TESPA1: variants seen among roughly 807,000 people sequenced by gnomAD.
The protein encoded by TESPA1 is thymocyte expressed, positive selection associated 1, also known as protein TESPA1.
A neutral mutation model predicts 57.9 loss-of-function variants in TESPA1; 33 were observed. That is an observed-to-expected ratio of 0.57 (90% CI 0.43 to 0.76). TESPA1 has a LOEUF of 0.76. Ranked by LOEUF, TESPA1 falls within the 30% of genes least tolerant of loss-of-function variation. The pLI is 0.00. For missense variants in TESPA1, 618 were observed against 632.9 expected, an observed-to-expected ratio of 0.98 and a Z score of 0.25; for synonymous variants, 227 against 228.9, an observed-to-expected ratio of 0.99 and a Z score of 0.07.
Position 54,963,357 on chromosome 12 carries a change from C to A in TESPA1, c.656-115G>T, listed in dbSNP as rs542203445. 2.6e-5 allele frequency: 27 copies of A among 1,049,752 alleles called. No individual in the cohort carries two copies. The South Asian group carries it at 4.1e-4, about 16-fold the overall frequency. The allele number at this position is 1,049,752 out of a possible 1,614,324, so 65.0% of individuals were successfully genotyped here. On this transcript the variant is annotated intron_variant, in intron 8 of 10. Transcript: ENST00000449076. Reference sequence around the variant, plus strand: ...ATTCAGGGAGAAGCTTCCAATTTTCCTACTAGTGTTTCTCCCTTTTAGATT... The same window carrying A: ...ATTCAGGGAGAAGCTTCCAATTTTCATACTAGTGTTTCTCCCTTTTAGATT...
intron 4 of TESPA1, 41 bp from the exon 5 acceptor site, chr12:54,967,277 G>C (rs369859798): frequency 6.2e-7 from 1 of 1,604,204 alleles, no homozygotes; most frequent in African/African-American, 1.3e-5. Flanking sequence ...AACCAGGATG[G>C]AACATATACA....
At chr12:54,971,335 T>C (rs1258251412) in intron 3 of TESPA1, among the ~76,000 whole-genome samples, 2 of 152,250 alleles carry the variant, frequency 1.3e-5, no homozygotes, top group South Asian at 2.1e-4. Context: ...ATTTAGAATC[T>C]CATGTTTAGA....
chr12:54,978,095 C>T (rs2136206276), intron 1 of TESPA1, among the ~76,000 whole-genome samples: 1 of 151,694 alleles, frequency 6.6e-6, no homozygotes, highest in African/African-American at 2.4e-5. Flanking sequence ...GAGTGTTAGA[C>T]AGAATTAAAA....
At chr12:54,958,917 T>G (rs1271770232) in intron 10 of TESPA1, among the ~76,000 whole-genome samples, 3 of 152,228 alleles carry the variant, frequency 2.0e-5, no homozygotes, top group Non-Finnish European at 4.4e-5. Context: ...GACTACTTTA[T>G]CCATTAGAGC....
chr12:54,965,990 G>T (rs1266937508), intron 7 of TESPA1, 63 bp downstream of exon 7: 3 of 1,494,486 alleles, frequency 2.0e-6, no homozygotes, highest in Non-Finnish European at 9.1e-7. Context: ...ATGGCTCTTG[G>T]TTCCATTCTC....
chr12:54,972,697 C>T (rs1951911298), intron 3 of TESPA1, among the ~76,000 whole-genome samples: 1 of 152,130 alleles, frequency 6.6e-6, no homozygotes, highest in Non-Finnish European at 1.5e-5. Flanking sequence ...AATAAACAAC[C>T]TTGGATTATT....
Position 54,965,828 on chromosome 12 carries a change from G to A in TESPA1, c.446+225C>T, listed in dbSNP as rs142136394. The stretch of plus-strand genomic sequence containing the variant: ...ACCTCCTGGGGTACAAGTTTCAGTG[G>A]GAGGAGACACCTGTATTTTACACAT... On this transcript the variant is annotated intron_variant, in intron 7 of 10. Coordinates refer to ENST00000449076, the MANE Select transcript of TESPA1 (RefSeq NM_001136030.3). 2.4e-3 allele frequency among the ~76,000 whole-genome samples: 365 copies of A among 152,230 alleles called. 3 individuals are homozygous for A. Among genetic ancestry groups the A allele is most frequent in the Non-Finnish European group, 3.1e-4 (21 of 68,016 alleles).
At position 54,963,003 on chromosome 12, in the gene TESPA1, G is replaced by A. The variant is rs753442863; in HGVS notation, c.895C>T (p.Arg299Trp). ...GGGGTGTTGTGGGGTGGTGGTGGCCGGTCTCGGGGGCATGTGTACAGACAC... is the reference window on the plus strand; with the variant it reads ...GGGGTGTTGTGGGGTGGTGGTGGCCAGTCTCGGGGGCATGTGTACAGACAC... ...KMCLYTCPRD[R>W]PPPPHNTPKR... Residue 299 changes from arginine (R) to tryptophan (W), a missense_variant, in exon 9 of 11, where the codon CGG becomes TGG. Physicochemically the swap from Arg to Trp is moderately radical, Grantham distance 101. Around this residue, in one of 3 missense-constraint regions of TESPA1, gnomAD observed 409 missense variants for 420.1 expected, o/e 0.97. Transcript: ENST00000449076. The A allele has an allele frequency of 5.6e-6, 9 of 1,613,652 alleles. No individual in the cohort carries two copies. The highest frequency in any genetic ancestry group is 2.7e-5 in the African/African-American group (2 of 74,842).
At chr12:54,966,478 C>T in intron 5 of TESPA1, 54 bp from the exon 6 acceptor site, 1 of 1,590,804 alleles carries the variant, frequency 6.3e-7, no homozygotes, top group Non-Finnish European at 8.6e-7. Context: ...ATGAAAATCA[C>T]CTGTGTTGCC....
chr12:54,964,862 G>T (rs1438113641), intron 7 of TESPA1, among the ~76,000 whole-genome samples: 2 of 152,198 alleles, frequency 1.3e-5, no homozygotes, highest in African/African-American at 4.8e-5. Flanking sequence ...ACATGTTAGG[G>T]TCACCTTTGC....
chr12:54,969,448 C>G (rs7968652), intron 3 of TESPA1, among the ~76,000 whole-genome samples: 42,386 of 151,766 alleles, frequency 0.28, 7,036 homozygotes, highest in East Asian at 0.68. Context: ...CTAAGGCCTA[C>G]TATTACTAGA....
intron 10 of TESPA1, among the ~76,000 whole-genome samples, chr12:54,955,324 G>T (rs761158564): frequency 3.3e-5 from 5 of 152,062 alleles, no homozygotes; most frequent in Admixed American, 6.6e-5. Context: ...ATGGACAAAG[G>T]TTGACATCCA....
chr12:54,958,434 C>T (rs1000286090), intron 10 of TESPA1, among the ~76,000 whole-genome samples: 43 of 151,810 alleles, frequency 2.8e-4, no homozygotes, highest in Admixed American at 2.8e-3. Flanking sequence ...TGATTTTTCC[C>T]TTTACTTGTG....
intron 1 of TESPA1, among the ~76,000 whole-genome samples, chr12:54,980,698 C>T (rs1952283404): frequency 1.3e-5 from 2 of 152,180 alleles, no homozygotes; most frequent in South Asian, 2.1e-4. Context: ...AACTATTAGC[C>T]TACCAGTTTG....
Position 54,967,330 on chromosome 12 carries a change from C to T in TESPA1, c.257-94G>A, listed in dbSNP as rs542332827. 1.9e-5 allele frequency: 26 copies of T among 1,380,730 alleles called. No homozygotes were observed. In the Admixed American group the frequency reaches 3.4e-4, roughly 18 times the overall value. The allele number at this position is 1,380,730 out of a possible 1,614,324, so 85.5% of individuals were successfully genotyped here. On this transcript the variant is annotated intron_variant, in intron 4 of 10. Coordinates refer to ENST00000449076, the MANE Select transcript of TESPA1 (RefSeq NM_001136030.3). Reference sequence around the variant, plus strand: ...CTGCATACACGAACATCTTCACATGCCCTTAGACTAGACTTGCACAACCAG... The same window carrying T: ...CTGCATACACGAACATCTTCACATGTCCTTAGACTAGACTTGCACAACCAG...
At chr12:54,961,329 G>A in intron 9 of TESPA1, 62 bp from the exon 10 acceptor site, 1 of 1,579,918 alleles carries the variant, frequency 6.3e-7, no homozygotes, top group Non-Finnish European at 8.7e-7. Context: ...AAGGAAAGGT[G>A]CAGGTGGCAG....
At position 54,978,069 on chromosome 12, in the gene TESPA1, A is replaced by G. The variant is rs1245853077; in HGVS notation, c.-45-3462T>C. On this transcript the variant is annotated intron_variant, in intron 1 of 10. Coordinates refer to ENST00000449076, the MANE Select transcript of TESPA1 (RefSeq NM_001136030.3). ...GGAAGCGGCAAATGATTATCAGACA[A>G]GCACATCAGCCATGAGAGTGTTAGA... 3.3e-5 allele frequency among the ~76,000 whole-genome samples: 5 copies of G among 152,134 alleles called. No homozygotes were observed. The East Asian group carries it at 9.6e-4, about 29-fold the overall frequency.
intron 10 of TESPA1, among the ~76,000 whole-genome samples, chr12:54,953,432 T>G (rs117620158): frequency 1.4e-4 from 21 of 152,286 alleles, no homozygotes; most frequent in Non-Finnish European, 2.9e-4. Context: ...ATTCTGCTTT[T>G]CCTTTTTCTA....
chr12:54,967,732 C>T, intron 4 of TESPA1, 111 bp downstream of exon 4: 1 of 1,283,636 alleles, frequency 7.8e-7, no homozygotes, highest in East Asian at 2.4e-5. Flanking sequence ...CACTCAGGGA[C>T]TCTTTTGCAT....
Sources: allele counts gnomAD v4.1 joint callset (sites outside exome capture counted in the v4.1 genomes callset), GRCh38; gene constraint gnomAD v4.1.1; regional missense constraint gnomAD v4.1.1; transcripts MANE v1.5; gene names NCBI Gene and HGNC (gene_info 2026-07-23, HGNC 2026-07-21).